Variants in MYO3B observed in about 807,000 individuals in gnomAD.
MYO3B encodes the protein myosin-IIIb.
A neutral mutation model predicts 174.6 loss-of-function variants in MYO3B; 156 were observed. The ratio of observed to expected loss-of-function variants is 0.89; its 90% CI spans 0.78 to 1.02. The LOEUF (loss-of-function observed/expected upper bound fraction) is 1.02, where lower values mean the gene tolerates loss of function less well. Ranked by LOEUF, MYO3B falls within the 50% of genes least tolerant of loss-of-function variation. The pLI is 0.00. For missense variants in MYO3B, 1,632 were observed against 1,639.4 expected (o/e 1.00, Z 0.08); for synonymous variants, 563 against 569.1 (o/e 0.99, Z 0.15).
intron 29 of MYO3B, among the ~76,000 whole-genome samples, chr2:170,516,973 T>G (rs13390244): frequency 0.21 from 31,605 of 152,068 alleles, 3,575 homozygotes; most frequent in East Asian, 0.41. Flanking sequence ...CCTTCATATC[T>G]CCATTTCTCC....
chr2:170,616,285 G>A lies in MYO3B; in HGVS notation c.3734-35343G>A, dbSNP rs1575254673. ...CGGACAGCCACCTCCCCATGCATCC[G>A]TTTATAGGCTCTCCACAAGGGTCGC... On this transcript the variant is annotated intron_variant, in intron 32 of 34. Coordinates refer to ENST00000408978, the MANE Select transcript of MYO3B (RefSeq NM_138995.5). Among the ~76,000 whole-genome samples, 6 of 152,098 alleles carry A rather than the reference G, an allele frequency of 3.9e-5. No individual in the cohort carries two copies. The South Asian group carries it at 1.2e-3, about 32-fold the overall frequency.
chr2:170,412,815 A>T (rs1265232557), intron 22 of MYO3B, among the ~76,000 whole-genome samples: 1 of 152,252 alleles, frequency 6.6e-6, no homozygotes, highest in African/African-American at 2.4e-5. Flanking sequence ...GGCCACAGAC[A>T]TGGATAGTGC....
intron 32 of MYO3B, among the ~76,000 whole-genome samples, chr2:170,603,291 C>A (rs73978732): frequency 0.031 from 4,655 of 151,914 alleles, 265 homozygotes; most frequent in African/African-American, 0.11. Context: ...TATTAATTGT[C>A]CATATAAGTG....
chr2:170,451,562 G>A (rs527997024), intron 23 of MYO3B, among the ~76,000 whole-genome samples: 38 of 152,206 alleles, frequency 2.5e-4, no homozygotes, highest in Admixed American at 2.0e-4. Context: ...CTTTATTTCC[G>A]AAAGATTACT....
chr2:170,229,895 C>A (rs146827285), intron 6 of MYO3B, among the ~76,000 whole-genome samples: 40 of 152,196 alleles, frequency 2.6e-4, no homozygotes, highest in African/African-American at 9.2e-4. Context: ...ATCAATAAGT[C>A]CTAGTCATGG....
At chr2:170,589,859 A>G (rs2106321022) in intron 32 of MYO3B, among the ~76,000 whole-genome samples, 1 of 152,322 alleles carries the variant, frequency 6.6e-6, no homozygotes, top group African/African-American at 2.4e-5. Flanking sequence ...GCAACTTCCA[A>G]TCCTGTAAGC....
intron 3 of MYO3B, among the ~76,000 whole-genome samples, chr2:170,201,166 T>C (rs2092656830): frequency 1.3e-5 from 2 of 152,230 alleles, no homozygotes; most frequent in South Asian, 4.1e-4. Context: ...TGTGTGCATC[T>C]GGGTGCAAAA....
chr2:170,595,282 T>A (rs1051478249), intron 32 of MYO3B, among the ~76,000 whole-genome samples: 7 of 152,160 alleles, frequency 4.6e-5, no homozygotes, highest in Non-Finnish European at 8.8e-5. Context: ...GCCAGATGAT[T>A]GATGGGAATC....
chr2:170,516,317 A>G (rs1351960908), intron 29 of MYO3B, among the ~76,000 whole-genome samples: 1 of 151,196 alleles, frequency 6.6e-6, no homozygotes, highest in Non-Finnish European at 1.5e-5. Flanking sequence ...TTTTTTTCTG[A>G]CAGGCAGATG....
At chr2:170,559,402 T>A (rs1691561860) in intron 32 of MYO3B, among the ~76,000 whole-genome samples, 1 of 152,206 alleles carries the variant, frequency 6.6e-6, no homozygotes, top group South Asian at 2.1e-4. Flanking sequence ...GTTGTTTGAT[T>A]ATTTATTCAT....
At chr2:170,254,060 G>A (rs766253185) in intron 7 of MYO3B, among the ~76,000 whole-genome samples, 1 of 152,124 alleles carries the variant, frequency 6.6e-6, no homozygotes, top group Non-Finnish European at 1.5e-5. Flanking sequence ...GATTGAAGAG[G>A]GAGGAAGCTG....
chr2:170,374,213 G>A (rs1280422944), intron 9 of MYO3B, among the ~76,000 whole-genome samples: 1 of 152,186 alleles, frequency 6.6e-6, no homozygotes, highest in African/African-American at 2.4e-5. Flanking sequence ...CAGTGGACAT[G>A]ATGAGTGGGC....
intron 8 of MYO3B, among the ~76,000 whole-genome samples, chr2:170,365,458 T>C (rs746947488): frequency 1.6e-4 from 24 of 152,210 alleles, no homozygotes; most frequent in Non-Finnish European, 3.1e-4. Flanking sequence ...TTATGTATTG[T>C]GGCTAGTTCT....
intron 32 of MYO3B, among the ~76,000 whole-genome samples, chr2:170,630,285 C>T (rs528323600): frequency 6.6e-6 from 1 of 152,286 alleles, no homozygotes; most frequent in South Asian, 2.1e-4. Context: ...GTCCCACCCC[C>T]ATGGATCCTT....
intron 7 of MYO3B, among the ~76,000 whole-genome samples, chr2:170,322,508 C>A (rs1289590950): frequency 6.6e-6 from 1 of 152,156 alleles, no homozygotes; most frequent in Non-Finnish European, 1.5e-5. Flanking sequence ...ATGACCCAAG[C>A]CATCCAGGTG....
Position 170,483,814 on chromosome 2 carries a change from G to C in MYO3B, c.3015-14778G>C, listed in dbSNP as rs530621069. ...TGGCAAATACATGGGTATGAGCACA[G>C]CTTCACTCTTCAACCCTAGCTGCAG... On this transcript the variant is annotated intron_variant, in intron 25 of 34. Transcript: ENST00000408978. Among the ~76,000 whole-genome samples the C allele has an allele frequency of 6.6e-5, 10 of 152,328 alleles. No individual in the cohort carries two copies. In the East Asian group the frequency reaches 1.7e-3, roughly 26 times the overall value.
intron 22 of MYO3B, among the ~76,000 whole-genome samples, chr2:170,429,203 G>A (rs1334791939): frequency 6.6e-6 from 1 of 152,154 alleles, no homozygotes; most frequent in Non-Finnish European, 1.5e-5. Flanking sequence ...TCCTGCCTGA[G>A]CATTTTATTT....
At chr2:170,588,563 G>A (rs1001779401) in intron 32 of MYO3B, among the ~76,000 whole-genome samples, 8 of 152,152 alleles carry the variant, frequency 5.3e-5, no homozygotes, top group African/African-American at 1.9e-4. Flanking sequence ...GTACCGTTTG[G>A]AGAATACCTT....
intron 7 of MYO3B, among the ~76,000 whole-genome samples, chr2:170,322,382 A>G (rs969228612): frequency 1.3e-5 from 2 of 152,222 alleles, no homozygotes; most frequent in Admixed American, 1.3e-4. Context: ...GTGCTTGCTC[A>G]GTTAGGCCCC....
Sources: gnomAD v4.1 joint callset for allele counts (sites outside exome capture counted in the v4.1 genomes callset) on GRCh38, gnomAD v4.1.1 for gene constraint, MANE v1.5 for transcripts, NCBI Gene and HGNC (gene_info 2026-07-23, HGNC 2026-07-21) for gene names.